GALNTL6: variants seen among roughly 807,000 people sequenced by gnomAD.
GALNTL6 encodes the protein polypeptide N-acetylgalactosaminyltransferase like 6, also known as polypeptide N-acetylgalactosaminyltransferase-like 6.
In GALNTL6, 46 loss-of-function variants were observed where a neutral mutation model predicts 73.7. The observed-to-expected ratio is 0.62, with a 90% CI of 0.49 to 0.80. GALNTL6 has a LOEUF of 0.80. GALNTL6 is among the 30% of genes least tolerant of loss of function. GALNTL6 has a pLI of 0.00. For synonymous variants in GALNTL6, 259 were observed against 263.7 expected, an observed-to-expected ratio of 0.98 and a Z score of 0.17; for missense variants, 604 against 755.0, an observed-to-expected ratio of 0.80 and a Z score of 2.34.
intron 2 of GALNTL6, among the ~76,000 whole-genome samples, chr4:172,191,125 T>C: frequency 6.6e-6 from 1 of 152,338 alleles, no homozygotes; most frequent in South Asian, 2.1e-4. Flanking sequence ...AAAACTGAAC[T>C]GTGTGATTGC....
intron 5 of GALNTL6, among the ~76,000 whole-genome samples, chr4:172,572,612 T>C (rs1736804048): frequency 6.6e-6 from 1 of 152,170 alleles, no homozygotes. Flanking sequence ...AGTCTCTTCA[T>C]TTATGTTGCC....
At position 172,488,617 on chromosome 4, in the gene GALNTL6, G is replaced by T. The variant is rs1256380665; in HGVS notation, c.553+139928G>T. Among the ~76,000 whole-genome samples, 5 of 152,270 alleles carry T rather than the reference G, an allele frequency of 3.3e-5. No individual in the cohort carries two copies. The South Asian group carries it at 1.0e-3, about 31-fold the overall frequency. ...AAGAAGCTGCATGGCCTTCATTTTA[G>T]TACCCACTAAAGCTAAATAGTATCA... On this transcript the variant is annotated intron_variant, in intron 5 of 12. Coordinates refer to ENST00000506823, the MANE Select transcript of GALNTL6 (RefSeq NM_001034845.3).
At chr4:172,484,022 A>G (rs1235477383) in intron 5 of GALNTL6, among the ~76,000 whole-genome samples, 2 of 152,194 alleles carry the variant, frequency 1.3e-5, no homozygotes, top group Non-Finnish European at 2.9e-5. Context: ...GAAAAGTTTA[A>G]TCTTTGGGTT....
intron 10 of GALNTL6, among the ~76,000 whole-genome samples, chr4:172,965,347 G>T (rs1390968339): frequency 6.6e-6 from 1 of 152,198 alleles, no homozygotes; most frequent in East Asian, 1.9e-4. Flanking sequence ...AGCACTTTGG[G>T]AGGCTGAGGC....
intron 2 of GALNTL6, among the ~76,000 whole-genome samples, chr4:172,052,211 A>G (rs78614097): frequency 0.036 from 5,476 of 152,280 alleles, 315 homozygotes; most frequent in African/African-American, 0.12. Flanking sequence ...CTCTGTTCTT[A>G]TATCCCGGTC....
chr4:171,870,371 G>A (rs1432226114), intron 2 of GALNTL6, among the ~76,000 whole-genome samples: 4 of 152,274 alleles, frequency 2.6e-5, no homozygotes, highest in African/African-American at 4.8e-5. Flanking sequence ...TCTTCCAGAC[G>A]TTGATGTGGT....
intron 5 of GALNTL6, among the ~76,000 whole-genome samples, chr4:172,543,980 C>T (rs1735665753): frequency 6.6e-6 from 1 of 152,160 alleles, no homozygotes. Context: ...CCTTTGATAT[C>T]ATTTGTACCC....
chr4:171,915,967 A>C (rs1450516570), intron 2 of GALNTL6, among the ~76,000 whole-genome samples: 1 of 152,134 alleles, frequency 6.6e-6, no homozygotes, highest in Non-Finnish European at 1.5e-5. Context: ...TACATATGCA[A>C]AGGAAATGAA....
chr4:171,943,358 A>G (rs1738606145), intron 2 of GALNTL6, among the ~76,000 whole-genome samples: 1 of 152,188 alleles, frequency 6.6e-6, no homozygotes, highest in Non-Finnish European at 1.5e-5. Flanking sequence ...AATAGAAGTC[A>G]AATTTTCATG....
At chr4:172,569,802 C>G (rs955882794) in intron 5 of GALNTL6, among the ~76,000 whole-genome samples, 3 of 152,058 alleles carry the variant, frequency 2.0e-5, no homozygotes, top group African/African-American at 7.2e-5. Context: ...GGATTGGAGA[C>G]CTAAACGTGA....
At chr4:172,635,077 A>G (rs947820298) in intron 5 of GALNTL6, among the ~76,000 whole-genome samples, 10 of 152,190 alleles carry the variant, frequency 6.6e-5, no homozygotes, top group African/African-American at 2.2e-4. Context: ...GTAATTTTGC[A>G]TGACTTGTAA....
chr4:172,659,830 T>A (rs1315390766), intron 5 of GALNTL6, among the ~76,000 whole-genome samples: 1 of 152,188 alleles, frequency 6.6e-6, no homozygotes, highest in African/African-American at 2.4e-5. Context: ...GGAGAAGAAA[T>A]TCTGCCTGAG....
intron 5 of GALNTL6, among the ~76,000 whole-genome samples, chr4:172,382,645 G>A (rs767170697): frequency 5.9e-5 from 9 of 152,022 alleles, no homozygotes; most frequent in Non-Finnish European, 1.0e-4. Flanking sequence ...TACTTTTGGT[G>A]TTATGTCTAA....
At chr4:172,485,490 G>A (rs1733633878) in intron 5 of GALNTL6, among the ~76,000 whole-genome samples, 1 of 151,790 alleles carries the variant, frequency 6.6e-6, no homozygotes, top group South Asian at 2.1e-4. Flanking sequence ...ATATGTTCTG[G>A]GTCGCAATGT....
chr4:171,945,381 G>T (rs1402685616), intron 2 of GALNTL6, among the ~76,000 whole-genome samples: 1 of 151,960 alleles, frequency 6.6e-6, no homozygotes, highest in Non-Finnish European at 1.5e-5. Context: ...AGTTTTTAAG[G>T]CATAAGAGAA....
At chr4:172,754,855 A>G (rs569277217) in intron 5 of GALNTL6, among the ~76,000 whole-genome samples, 38 of 151,884 alleles carry the variant, frequency 2.5e-4, no homozygotes, top group Non-Finnish European at 5.0e-4. Flanking sequence ...AAAAAAAAAA[A>G]AAAGAAAATG....
At chr4:172,403,612 T>A (rs1023378901) in intron 5 of GALNTL6, among the ~76,000 whole-genome samples, 2 of 152,058 alleles carry the variant, frequency 1.3e-5, no homozygotes, top group African/African-American at 4.8e-5. Flanking sequence ...ATGTACAATA[T>A]ACATCATCAC....
chr4:172,043,587 T>C (rs1742144976), intron 2 of GALNTL6, among the ~76,000 whole-genome samples: 1 of 152,066 alleles, frequency 6.6e-6, no homozygotes, highest in Non-Finnish European at 1.5e-5. Context: ...GTTTTATTTA[T>C]AGGATTAGAA....
intron 5 of GALNTL6, among the ~76,000 whole-genome samples, chr4:172,646,370 A>T (rs1740242647): frequency 6.6e-6 from 1 of 152,010 alleles, no homozygotes; most frequent in African/African-American, 2.4e-5. Flanking sequence ...TGCCTTCTTT[A>T]CTTTTTCTTA....
Sources: gnomAD v4.1 joint callset for allele counts (sites outside exome capture counted in the v4.1 genomes callset) on GRCh38, gnomAD v4.1.1 for gene constraint, MANE v1.5 for transcripts, NCBI Gene and HGNC (gene_info 2026-07-23, HGNC 2026-07-21) for gene names.